GOLGA6L7: variants seen among roughly 807,000 people sequenced by gnomAD.
The protein encoded by GOLGA6L7 is golgin A6 family like 7.
In GOLGA6L7, 29 loss-of-function variants were observed where a neutral mutation model predicts 68.9. The ratio of observed to expected loss-of-function variants is 0.42; its 90% confidence interval spans 0.31 to 0.57. The LOEUF (loss-of-function observed/expected upper bound fraction) is 0.57, where lower values mean the gene tolerates loss of function less well. GOLGA6L7 is among the 20% of genes least tolerant of loss of function. The pLI is 0.13. For missense variants in GOLGA6L7, 396 were observed against 588.4 expected, an observed-to-expected ratio of 0.67 and a Z score of 3.38; for synonymous variants, 133 against 197.4, an observed-to-expected ratio of 0.67 and a Z score of 2.73.
chr15:28,842,598 C>T lies in GOLGA6L7; in HGVS notation c.1506G>A (p.Lys502=). The T allele has an allele frequency of 7.7e-7, 1 of 1,294,930 alleles. No individual in the cohort carries two copies. The highest frequency in any genetic ancestry group is 9.7e-7 in the Non-Finnish European group (1 of 1,026,236). The allele number at this position is 1,294,930 out of a possible 1,614,324, so 80.2% of individuals were successfully genotyped here. ...MRKQVERLQF[K]EERLWDEYEK... is the part of the protein sequence containing the mutation. ...CATACTCATCCCACAGCCTCTCCTC[C>T]TTGAATTGCAGCCTCTCCACCTGCT... is the stretch of plus-strand genomic sequence containing the variant. Residue 502 remains lysine, a synonymous_variant, in exon 9 of 9, where the codon AAG becomes AAA. Transcript: ENST00000567390.
In GOLGA6L7 at chr15:28,843,467, A is replaced by G. The variant is rs2030294512; in HGVS notation, c.664-27T>C. The G allele has an allele frequency of 1.4e-5, 7 of 498,278 alleles. No homozygotes were observed. In the East Asian group the frequency reaches 2.4e-4, roughly 17 times the overall value. 30.9% of individuals were successfully genotyped at this position (498,278 alleles called of 1,614,324 possible). A position where few individuals can be genotyped will look rare whatever the true frequency, so the allele number is the denominator to read the frequency against. On this transcript the variant is annotated intron_variant, in intron 8 of 8. Transcript: ENST00000567390. Reference sequence around the variant, plus strand: ...TCAAAAGGAAATAGAGTCATAAGCTAGGTATATAAATGTAATCTATAAAAT... The same window carrying G: ...TCAAAAGGAAATAGAGTCATAAGCTGGGTATATAAATGTAATCTATAAAAT...
At chr15:28,846,743 C>T (rs1341209537) in intron 2 of GOLGA6L7, 22 of 348,746 alleles carry the variant, frequency 6.3e-5, no homozygotes, top group Admixed American at 2.3e-4. Flanking sequence ...CCTCAGGAAA[C>T]GGAAGCCCAA....
At chr15:28,848,211 G>A (rs1165632059) in intron 1 of GOLGA6L7, among the ~76,000 whole-genome samples, 1 of 152,146 alleles carries the variant, frequency 6.6e-6, no homozygotes. Flanking sequence ...AGCCCGAAGG[G>A]CCCAGGGAGA....
rs1166350022 is a variant in GOLGA6L7, at chr15:28,845,242, C to G, written c.462+287G>C. On this transcript the variant is annotated intron_variant, in intron 6 of 8. Transcript: ENST00000567390. ...TCTGTACCTTCATGGTACAAGTACC[C>G]TCAACTCCGCCTAGGATTTGACCAA... The G allele has an allele frequency of 7.2e-6, 4 of 557,054 alleles. No homozygotes were observed. In the South Asian group the frequency reaches 7.6e-5, roughly 11 times the overall value. 34.5% of individuals were successfully genotyped at this position (557,054 alleles called of 1,614,324 possible). A position where few individuals can be genotyped will look rare whatever the true frequency, so the allele number is the denominator to read the frequency against.
At chr15:28,845,199 A>G (rs1247792746) in intron 6 of GOLGA6L7, 1 of 461,328 alleles carries the variant, frequency 2.2e-6, no homozygotes, top group Non-Finnish European at 4.0e-6. Context: ...ACAAATGGTA[A>G]CATACTAAAG....
At position 28,847,115 on chromosome 15, in the gene GOLGA6L7, A is replaced by G. The variant is rs1308743309; in HGVS notation, c.129T>C (p.His43=). ...AAGTGGTTGTCTCAGGGTTAGCGCC[A>G]TGATTTATTTTCTTCTTTTTGGTGT... ...ATDTKKKKIN[H]GANPETTTSG... The change falls in exon 2 of 9, where the codon CAT becomes CAC. Residue 43 remains histidine (H), a synonymous_variant. Transcript: ENST00000567390. The G allele has an allele frequency of 8.7e-6, 10 of 1,154,000 alleles. No homozygotes were observed. Among genetic ancestry groups the G allele is most frequent in the Non-Finnish European group, 1.0e-5 (8 of 786,148 alleles). The allele number at this position is 1,154,000 out of a possible 1,614,324, so 71.5% of individuals were successfully genotyped here.
At chr15:28,844,327 C>T (rs1213555582) in intron 6 of GOLGA6L7, 64 bp from the exon 7 acceptor site, 54 of 448,142 alleles carry the variant, frequency 1.2e-4, no homozygotes, top group Non-Finnish European at 4.3e-5. Context: ...CGACCAGTAA[C>T]GACAGCTACA....
chr15:28,846,232 A>T lies in GOLGA6L7; in HGVS notation c.198T>A (p.Ala66=). 1.3e-6 allele frequency: 1 copy of T among 774,372 alleles called. No individual in the cohort carries two copies. The highest frequency in any genetic ancestry group is 2.3e-6 in the Non-Finnish European group (1 of 428,908). The allele number at this position is 774,372 out of a possible 1,614,324, so 48.0% of individuals were successfully genotyped here. ...GAAACCATGTTACCTCTTTCAGCTG[A>T]GCTCGGTTCTGTTGTTTCTGTGGGG... The part of the protein sequence containing the change: ...HSPEDKQQNR[A]QLKEENKASH... Residue 66 remains alanine (A), a synonymous_variant, in exon 3 of 9, where the codon GCT becomes GCA. Transcript: ENST00000567390.
In GOLGA6L7 at chr15:28,843,095, G is replaced by C. The variant is rs2030268270; in HGVS notation, c.1009C>G (p.Gln337Glu). ...TCCTGCTTCCGCATCTGCTCCTCCT[G>C]CTCCCCCATCTGCTCCTCCTGCTTC... ...MGKQEEQMGE[Q>E]EEQMRKQEKQ... The change falls in exon 9 of 9, where the codon CAG becomes GAG. Residue 337 changes from glutamine (Q) to glutamate (E), a missense_variant. Gln to Glu is a conservative substitution (Grantham distance 29). Coordinates refer to ENST00000567390, the MANE Select transcript of GOLGA6L7 (RefSeq NM_001365371.2). 11 of 1,297,870 alleles carry C rather than the reference G, an allele frequency of 8.5e-6. No individual in the cohort carries two copies. In the South Asian group the frequency reaches 2.9e-4, roughly 34 times the overall value. The allele number at this position is 1,297,870 out of a possible 1,614,324, so 80.4% of individuals were successfully genotyped here.
At chr15:28,847,859 C>T (rs561624140) in intron 1 of GOLGA6L7, among the ~76,000 whole-genome samples, 267 of 152,358 alleles carry the variant, frequency 1.8e-3, no homozygotes, top group Non-Finnish European at 3.1e-3. Flanking sequence ...CTGATGGGCA[C>T]TCTGGTCCCA....
At chr15:28,846,896 G>A (rs143495175) in intron 2 of GOLGA6L7, 168 bp downstream of exon 2, 16,506 of 489,866 alleles carry the variant, frequency 0.034, 95 homozygotes, top group African/African-American at 0.12. Context: ...CAAAGAGCTC[G>A]AGCAATTTTC....
intron 1 of GOLGA6L7, 80 bp downstream of exon 1, chr15:28,848,419 G>A (rs2030521612): frequency 2.0e-5 from 14 of 689,814 alleles, no homozygotes; most frequent in South Asian, 6.1e-5. Flanking sequence ...GGAGTGACAC[G>A]GATTCTGGCA....
At chr15:28,845,223 C>T in intron 6 of GOLGA6L7, 1 of 492,820 alleles carries the variant, frequency 2.0e-6, no homozygotes, top group Non-Finnish European at 3.7e-6. Flanking sequence ...CTCTTCTGTA[C>T]CTTCATGGTA....
At position 28,842,112 on chromosome 15, in the gene GOLGA6L7, G is replaced by A. The variant is rs944774420; in HGVS notation, c.*123C>T. On this transcript the variant is annotated 3_prime_UTR_variant, in exon 9 of 9. Coordinates refer to ENST00000567390, the MANE Select transcript of GOLGA6L7 (RefSeq NM_001365371.2). ...GGTGTGATTACAGGTGCAGGCCACCGTGCCCGGCCAGTATTTTGCCACAAT... is the reference window on the plus strand; with the variant it reads ...GGTGTGATTACAGGTGCAGGCCACCATGCCCGGCCAGTATTTTGCCACAAT... The A allele has an allele frequency of 4.3e-5, 37 of 854,032 alleles. No homozygotes were observed. The highest frequency in any genetic ancestry group is 2.0e-4 in the African/African-American group (11 of 56,078). The allele number at this position is 854,032 out of a possible 1,614,324, so 52.9% of individuals were successfully genotyped here.
intron 6 of GOLGA6L7, among the ~76,000 whole-genome samples, chr15:28,844,526 C>G (rs1334379100): frequency 2.7e-5 from 4 of 150,552 alleles, no homozygotes; most frequent in African/African-American, 9.9e-5. Flanking sequence ...CGCCTCCCGG[C>G]TTCAAGCGAT....
Position 28,844,196 on chromosome 15 carries a change from CT to C in GOLGA6L7, c.521+8del. On this transcript the variant is annotated splice_region_variant and intron_variant, in intron 7 of 8. Coordinates refer to ENST00000567390, the MANE Select transcript of GOLGA6L7 (RefSeq NM_001365371.2). ...CTCAGACCTCCCATCCCCCCCTCCC[CT>C]ATCCTACATGTTCCTGAACAGCTCC... 1 of 505,250 alleles carries C rather than the reference CT, an allele frequency of 2.0e-6. No individual in the cohort carries two copies. Among genetic ancestry groups the C allele is most frequent in the East Asian group, 3.3e-5 (1 of 29,874 alleles). The allele number at this position is 505,250 out of a possible 1,614,324, so 31.3% of individuals were successfully genotyped here. A position where few individuals can be genotyped will look rare whatever the true frequency, so the allele number is the denominator to read the frequency against.
rs938693426 is a variant in GOLGA6L7 at position 28,843,715 on chromosome 15, C to T, written c.663+19G>A. On this transcript the variant is annotated intron_variant, in intron 8 of 8. Transcript: ENST00000567390. ...CAGCCGGATGCGGCTCCCACACCCC[C>T]GGGGCTGCCGCCGCTCACCTGTGGC... The T allele has an allele frequency of 1.7e-4, 111 of 647,966 alleles. 1 individual carries two copies. Among genetic ancestry groups the T allele is most frequent in the Non-Finnish European group, 2.4e-4 (89 of 364,744 alleles). The allele number at this position is 647,966 out of a possible 1,614,324, so 40.1% of individuals were successfully genotyped here. A position where few individuals can be genotyped will look rare whatever the true frequency, so the allele number is the denominator to read the frequency against.
At chr15:28,846,937 G>A in intron 2 of GOLGA6L7, 127 bp downstream of exon 2, 1 of 523,384 alleles carries the variant, frequency 1.9e-6, no homozygotes, top group South Asian at 2.3e-5. Flanking sequence ...GTTGGAGAGA[G>A]AAGTAGGACT....
rs1255076233 is a variant in GOLGA6L7 at position 28,842,359 on chromosome 15, G to A, written c.1745C>T (p.Ala582Val). 33 of 1,237,172 alleles carry A rather than the reference G, an allele frequency of 2.7e-5. No individual in the cohort carries two copies. Among genetic ancestry groups the A allele is most frequent in the Non-Finnish European group, 2.8e-5 (28 of 989,364 alleles). 76.6% of individuals were successfully genotyped at this position (1,237,172 alleles called of 1,614,324 possible). The change falls in exon 9 of 9, where the codon GCA becomes GTA. Residue 582 changes from alanine to valine, a missense_variant. Physicochemically the swap from Ala to Val is moderately conservative, Grantham distance 64 (BLOSUM62 0). Coordinates refer to ENST00000567390, the MANE Select transcript of GOLGA6L7 (RefSeq NM_001365371.2). ...GKGYSHDNRT[A>V]QIMQLPPGMK... ...TCCAGGGGGCAGCTGCATGATCTGT[G>A]CAGTGCGGTTGTCATGGGAATAACC...
Sources: allele counts gnomAD v4.1 joint callset (sites outside exome capture counted in the v4.1 genomes callset), GRCh38; gene constraint gnomAD v4.1.1; transcripts MANE v1.5; gene names NCBI Gene and HGNC (gene_info 2026-07-23, HGNC 2026-07-21).